The following REV3L variants were observed in gnomAD, a reference collection of about 807,000 sequenced individuals.
The protein encoded by REV3L is REV3 like, DNA directed polymerase zeta catalytic subunit, also known as DNA polymerase zeta catalytic subunit.
A neutral mutation model predicts 299.4 loss-of-function variants in REV3L; 69 were observed. That is an observed-to-expected ratio of 0.23 (90% CI 0.19 to 0.28). The LOEUF is 0.28. Among genes scored for constraint, REV3L ranks in the 10% least tolerant of loss-of-function variants. The pLI is 1.00. For synonymous variants in REV3L, 1,238 were observed against 1,271.4 expected (o/e 0.97, Z 0.56); for missense variants, 3,128 against 3,693.8 (o/e 0.85, Z 3.97).
intron 6 of REV3L, 23 bp from the exon 7 acceptor site, chr6:111,389,233 A>G (rs1368655701): frequency 6.5e-7 from 1 of 1,542,154 alleles, no homozygotes; most frequent in Admixed American, 1.7e-5. Flanking sequence ...TAATACTTCA[A>G]TACTACAGGG....
intron 25 of REV3L, among the ~76,000 whole-genome samples, chr6:111,326,613 C>G (rs1011103219): frequency 2.7e-5 from 4 of 145,926 alleles, no homozygotes; most frequent in African/African-American, 1.0e-4. Context: ...ATACCCCCCC[C>G]AAAAAAAAAA....
intron 28 of REV3L, chr6:111,312,687 A>G (rs1442399559): frequency 6.6e-6 from 1 of 152,274 alleles, no homozygotes; most frequent in Non-Finnish European, 1.5e-5. Flanking sequence ...TCTCCCGAGT[A>G]GCTGGGATTA....
rs754213080 is a variant in REV3L at position 111,375,807 on chromosome 6, T to A, written c.2548A>T (p.Thr850Ser). The A allele has an allele frequency of 6.2e-6, 10 of 1,613,434 alleles. No homozygotes were observed. In the East Asian group the frequency reaches 2.0e-4, roughly 32 times the overall value. ...ATAAAATTATCTTTTGTGGATCCAG[T>A]CTCACTACTTTTGGTAGAAGTCTCC... ...HQETSTKSSE[T>S]GSTKDNFIQN... is the part of the protein sequence containing the mutation. The change falls in exon 13 of 32, where the codon ACT (threonine) becomes TCT (serine). Residue 850 changes from threonine to serine, a missense_variant. By Grantham distance (58) the Thr-to-Ser change is moderately conservative. This residue lies in a region of REV3L where 2,409 missense variants were observed against 2,611.8 expected (regional missense o/e 0.92). Transcript: ENST00000368802.
intron 6 of REV3L, 88 bp from the exon 7 acceptor site, chr6:111,389,298 T>A: frequency 1.1e-6 from 1 of 917,400 alleles, no homozygotes; most frequent in Non-Finnish European, 1.7e-6. Flanking sequence ...ATACTGCCTT[T>A]AAAAAAACCA....
At chr6:111,344,267 C>G (rs555176426) in intron 20 of REV3L, among the ~76,000 whole-genome samples, 1 of 152,256 alleles carries the variant, frequency 6.6e-6, no homozygotes, top group South Asian at 2.1e-4. Context: ...GAAAGCAGAC[C>G]TGATGAGATT....
intron 2 of REV3L, chr6:111,412,006 C>T (rs1784299669): frequency 2.0e-6 from 2 of 985,244 alleles, no homozygotes. Context: ...TTGTTAAAAA[C>T]TGAAGTTCTT....
chr6:111,321,162 TTAA>T (rs1486674962), intron 26 of REV3L, among the ~76,000 whole-genome samples: 1 of 152,192 alleles, frequency 6.6e-6, no homozygotes, highest in Non-Finnish European at 1.5e-5. Flanking sequence ...AAATTTGTTC[TTAA>T]TAAGCATCAC....
rs1562466662 is a variant in REV3L, at chr6:111,299,372, C to CATTA, written c.*640_*643dup. 2.0e-5 allele frequency: 3 copies of CATTA among 151,068 alleles called. No homozygotes were observed. The highest frequency in any genetic ancestry group is 1.5e-5 in the Non-Finnish European group (1 of 67,720). 9.4% of individuals were successfully genotyped at this position (151,068 alleles called of 1,614,324 possible). ...CTTTGCACAGTTCCTCACAATGCCC[C>CATTA]ATTAATAGCTAAAGCAAGACAGCAT... On this transcript the variant is annotated 3_prime_UTR_variant, in exon 32 of 32. Coordinates refer to ENST00000368802, the MANE Select transcript of REV3L (RefSeq NM_001372078.1).
chr6:111,329,835 G>T, intron 24 of REV3L, 97 bp from the exon 25 acceptor site: 1 of 867,908 alleles, frequency 1.2e-6, no homozygotes, highest in East Asian at 2.7e-5. Context: ...CAACTGTCAG[G>T]AATTGAAACA....
intron 26 of REV3L, among the ~76,000 whole-genome samples, chr6:111,321,371 C>G (rs1053525166): frequency 6.6e-6 from 1 of 152,182 alleles, no homozygotes; most frequent in Non-Finnish European, 1.5e-5. Flanking sequence ...TGGATAGCCC[C>G]TGAATTAAAA....
intron 1 of REV3L, among the ~76,000 whole-genome samples, chr6:111,444,157 C>T (rs1788584287): frequency 6.6e-6 from 1 of 152,178 alleles, no homozygotes; most frequent in Non-Finnish European, 1.5e-5. Context: ...TGGTTAAAAA[C>T]ACAGGTTCAT....
intron 1 of REV3L, among the ~76,000 whole-genome samples, chr6:111,452,715 T>A (rs1440841679): frequency 1.3e-5 from 2 of 152,214 alleles, no homozygotes; most frequent in Non-Finnish European, 2.9e-5. Flanking sequence ...ATACCATGAC[T>A]GTGGTGATGA....
chr6:111,438,366 T>A (rs1247215577), intron 1 of REV3L, among the ~76,000 whole-genome samples: 1 of 152,038 alleles, frequency 6.6e-6, no homozygotes, highest in Non-Finnish European at 1.5e-5. Context: ...ATATCTTTAT[T>A]TTTATTTAAT....
intron 25 of REV3L, among the ~76,000 whole-genome samples, chr6:111,328,374 T>C (rs1416863352): frequency 6.6e-6 from 1 of 152,150 alleles, no homozygotes; most frequent in Non-Finnish European, 1.5e-5. Context: ...TGAGTTGGGA[T>C]CACAAGTGTG....
At chr6:111,422,017 T>C (rs1393681387) in intron 1 of REV3L, among the ~76,000 whole-genome samples, 3 of 152,098 alleles carry the variant, frequency 2.0e-5, no homozygotes, top group African/African-American at 7.2e-5. Flanking sequence ...TCTATTCTCA[T>C]GGAAAAAGAA....
chr6:111,322,796 C>G, intron 25 of REV3L, 118 bp from the exon 26 acceptor site: 1 of 738,846 alleles, frequency 1.4e-6, no homozygotes, highest in Non-Finnish European at 2.2e-6. Flanking sequence ...GAGAAAAGAA[C>G]GTAAAAAAGA....
Position 111,309,079 on chromosome 6 carries a change from G to GA in REV3L, c.9042+773dup, listed in dbSNP as rs1285292943. 4 of 152,400 alleles carry GA rather than the reference G, an allele frequency of 2.6e-5. No homozygotes were observed. In the East Asian group the frequency reaches 7.7e-4, roughly 29 times the overall value. The allele number at this position is 152,400 out of a possible 1,614,324, so 9.4% of individuals were successfully genotyped here. On this transcript the variant is annotated intron_variant, in intron 30 of 31. Coordinates refer to ENST00000368802, the MANE Select transcript of REV3L (RefSeq NM_001372078.1). ...TGGCCCCATGGCAGTGTCTAGGGGTGAATGTTTACAGCTGAAGCCCCAGTG... is the reference window on the plus strand; with the variant it reads ...TGGCCCCATGGCAGTGTCTAGGGGTGAAATGTTTACAGCTGAAGCCCCAGTG...
chr6:111,453,420 G>A (rs1322233856), intron 1 of REV3L, among the ~76,000 whole-genome samples: 1 of 152,122 alleles, frequency 6.6e-6, no homozygotes, highest in Non-Finnish European at 1.5e-5. Flanking sequence ...TCATGGAGAC[G>A]TAGGGGGCTC....
chr6:111,431,600 A>T, intron 1 of REV3L: 1 of 774,478 alleles, frequency 1.3e-6, no homozygotes, highest in Non-Finnish European at 2.3e-6. Context: ...CAAGTGACCA[A>T]TAATCTTAAA....
Sources: allele counts gnomAD v4.1 joint callset (sites outside exome capture counted in the v4.1 genomes callset), GRCh38; gene constraint gnomAD v4.1.1; regional missense constraint gnomAD v4.1.1; transcripts MANE v1.5; gene names NCBI Gene and HGNC (gene_info 2026-07-23, HGNC 2026-07-21).